Variants in CEP162 observed in about 807,000 individuals in gnomAD.
CEP162 encodes centrosomal protein of 162 kDa.
In CEP162, 141 loss-of-function variants were observed where a neutral mutation model predicts 169.2. That is an observed-to-expected ratio of 0.83 (90% CI 0.73 to 0.96). The LOEUF is 0.96. Ranked by LOEUF, CEP162 falls within the 40% of genes least tolerant of loss-of-function variation. The pLI is 0.00. For missense variants in CEP162, 1,600 were observed against 1,587.2 expected (o/e 1.01, Z -0.14); for synonymous variants, 540 against 526.4 (o/e 1.03, Z -0.35).
At chr6:84,157,246 T>C (rs1453710833) in intron 21 of CEP162, among the ~76,000 whole-genome samples, 2 of 152,216 alleles carry the variant, frequency 1.3e-5, no homozygotes, top group Non-Finnish European at 2.9e-5. Flanking sequence ...GTCTCCAGAT[T>C]GAATCGAATG....
intron 10 of CEP162, 97 bp from the exon 11 acceptor site, chr6:84,193,787 T>A: frequency 1.6e-6 from 1 of 645,080 alleles, no homozygotes. Context: ...TCTGACACAG[T>A]TAATAAAACG....
rs112434656 is a variant in CEP162 at position 84,177,621 on chromosome 6, C to T, written c.1664-2274G>A. On this transcript the variant is annotated intron_variant, in intron 13 of 26. Coordinates refer to ENST00000403245, the MANE Select transcript of CEP162 (RefSeq NM_014895.4). ...TGCGATCTCGGCTCACTGCAACCTC[C>T]GCCTCCCAGACTCAAGCAATTCTCC... Among the ~76,000 whole-genome samples the T allele has an allele frequency of 6.5e-3, 993 of 152,202 alleles. 7 individuals carry two copies. The highest frequency in any genetic ancestry group is 0.023 in the African/African-American group (942 of 41,514).
At chr6:84,212,773 CCT>C (rs2099550018) in intron 6 of CEP162, among the ~76,000 whole-genome samples, 182 bp downstream of exon 6, 1 of 152,042 alleles carries the variant, frequency 6.6e-6, no homozygotes, top group Admixed American at 6.5e-5. Context: ...ATGAAAAAAA[CCT>C]TTTTAAGGCA....
chr6:84,124,915 T>C lies in CEP162; in HGVS notation c.*155A>G, dbSNP rs779304211. The C allele has an allele frequency of 7.4e-5, 48 of 652,712 alleles. No individual in the cohort carries two copies. The highest frequency in any genetic ancestry group is 1.2e-4 in the Non-Finnish European group (45 of 379,116). 40.4% of individuals were successfully genotyped at this position (652,712 alleles called of 1,614,324 possible). A position where few individuals can be genotyped will look rare whatever the true frequency, so the allele number is the denominator to read the frequency against. On this transcript the variant is annotated 3_prime_UTR_variant, in exon 27 of 27. Coordinates refer to ENST00000403245, the MANE Select transcript of CEP162 (RefSeq NM_014895.4). Reference sequence around the variant, plus strand: ...ACACCATTATATGTTTTTTTTCTTATTGGTTAAAGGCAATTTATTTTGAAA... The same window carrying C: ...ACACCATTATATGTTTTTTTTCTTACTGGTTAAAGGCAATTTATTTTGAAA...
intron 15 of CEP162, 21 bp from the exon 16 acceptor site, chr6:84,174,209 TG>T: frequency 6.3e-7 from 1 of 1,586,262 alleles, no homozygotes; most frequent in Non-Finnish European, 8.6e-7. Context: ...TTGCAGAAAT[TG>T]TTTTATTTGG....
At chr6:84,141,510 G>A (rs1300351601) in intron 25 of CEP162, among the ~76,000 whole-genome samples, 2 of 152,072 alleles carry the variant, frequency 1.3e-5, no homozygotes, top group East Asian at 3.9e-4. Context: ...CTGGGTCCCT[G>A]ACTTAAACAT....
intron 21 of CEP162, among the ~76,000 whole-genome samples, chr6:84,157,407 C>T (rs1392673675): frequency 1.3e-5 from 2 of 152,176 alleles, no homozygotes; most frequent in East Asian, 1.9e-4. Flanking sequence ...TGCGATGGCT[C>T]ATGCCTGTAA....
intron 22 of CEP162, among the ~76,000 whole-genome samples, chr6:84,153,400 T>C (rs992365254): frequency 3.9e-5 from 6 of 152,188 alleles, no homozygotes; most frequent in Non-Finnish European, 5.9e-5. Flanking sequence ...TATTTAATAA[T>C]TGATATGTTG....
At chr6:84,211,639 A>G (rs912253521) in intron 6 of CEP162, among the ~76,000 whole-genome samples, 18 of 151,852 alleles carry the variant, frequency 1.2e-4, no homozygotes, top group Non-Finnish European at 1.5e-5. Flanking sequence ...TGAACAGTGA[A>G]GCACAGAAAG....
At chr6:84,221,979 C>G (rs2099553891) in intron 2 of CEP162, among the ~76,000 whole-genome samples, 1 of 151,856 alleles carries the variant, frequency 6.6e-6, no homozygotes, top group African/African-American at 2.4e-5. Flanking sequence ...ACCTGCTCAG[C>G]ACTGCATCTC....
At chr6:84,142,396 A>G (rs1228140226) in intron 25 of CEP162, among the ~76,000 whole-genome samples, 1 of 152,208 alleles carries the variant, frequency 6.6e-6, no homozygotes, top group Non-Finnish European at 1.5e-5. Flanking sequence ...GTTTATGTAC[A>G]TCTATGTGTA....
intron 4 of CEP162, 65 bp from the exon 5 acceptor site, chr6:84,215,530 T>C: frequency 1.5e-6 from 2 of 1,295,098 alleles, no homozygotes; most frequent in East Asian, 2.6e-5. Context: ...ATTTGAATGA[T>C]GCATTTATTG....
At chr6:84,168,411 GTTTCTA>G (rs1342680879) in intron 18 of CEP162, among the ~76,000 whole-genome samples, 1 of 152,040 alleles carries the variant, frequency 6.6e-6, no homozygotes, top group Non-Finnish European at 1.5e-5. Flanking sequence ...ACTATGGTAT[GTTTCTA>G]TTTCTTTGTA....
intron 3 of CEP162, among the ~76,000 whole-genome samples, chr6:84,219,718 A>T (rs1388367229): frequency 1.3e-5 from 2 of 152,210 alleles, no homozygotes; most frequent in Non-Finnish European, 2.9e-5. Context: ...GTAACTGTCA[A>T]ATCTACTTTA....
rs139691799 is a variant in CEP162 at position 84,126,883 on chromosome 6, A to G, written c.3871-371T>C. On this transcript the variant is annotated intron_variant, in intron 25 of 26. Transcript: ENST00000403245. ...GTACATTTAAAGCACTCAACATAGTACAGTGCCCCATGCACAGAAAGAGTT... is the reference window on the plus strand; with the variant it reads ...GTACATTTAAAGCACTCAACATAGTGCAGTGCCCCATGCACAGAAAGAGTT... Among the ~76,000 whole-genome samples, 390 of 152,312 alleles carry G rather than the reference A, an allele frequency of 2.6e-3. 2 individuals carry two copies. Among genetic ancestry groups the G allele is most frequent in the African/African-American group, 8.3e-3 (346 of 41,582 alleles).
chr6:84,198,694 T>C (rs539805829), intron 9 of CEP162, among the ~76,000 whole-genome samples: 1 of 152,252 alleles, frequency 6.6e-6, no homozygotes, highest in South Asian at 2.1e-4. Context: ...TAACAGAGGG[T>C]TGACATAAAT....
chr6:84,213,050 G>A (rs1171936626), intron 5 of CEP162, 26 bp from the exon 6 acceptor site: 1 of 1,370,258 alleles, frequency 7.3e-7, no homozygotes, highest in Non-Finnish European at 1.0e-6. Context: ...ATTTAATTTA[G>A]CATTACATGT....
In CEP162 at chr6:84,180,190, G is replaced by A. The variant is rs539544645; in HGVS notation, c.1664-4843C>T. Among the ~76,000 whole-genome samples the A allele has an allele frequency of 7.3e-4, 111 of 152,160 alleles. 1 individual carries two copies. The South Asian group carries it at 0.012, about 17-fold the overall frequency. On this transcript the variant is annotated intron_variant, in intron 13 of 26. Transcript: ENST00000403245. ...CCCTGGGATGCAAGGAGGGTTCAACGTACGCAAATCAATAAACGCAATCCA... is the reference window on the plus strand; with the variant it reads ...CCCTGGGATGCAAGGAGGGTTCAACATACGCAAATCAATAAACGCAATCCA...
chr6:84,169,313 C>T lies in CEP162; in HGVS notation c.2385+15G>A, dbSNP rs1026074705. On this transcript the variant is annotated intron_variant, in intron 18 of 26. Coordinates refer to ENST00000403245, the MANE Select transcript of CEP162 (RefSeq NM_014895.4). ...CTTTATTATCCCTAATAGTCAAAAT[C>T]GTTATGCAACTTACCTGTGCCATCC... The T allele has an allele frequency of 7.7e-6, 11 of 1,421,682 alleles. No individual in the cohort carries two copies. Among genetic ancestry groups the T allele is most frequent in the East Asian group, 4.9e-5 (2 of 41,224 alleles). The allele number at this position is 1,421,682 out of a possible 1,614,324, so 88.1% of individuals were successfully genotyped here.
Sources: gnomAD v4.1 joint callset for allele counts (sites outside exome capture counted in the v4.1 genomes callset) on GRCh38, gnomAD v4.1.1 for gene constraint, MANE v1.5 for transcripts, NCBI Gene and HGNC (gene_info 2026-07-23, HGNC 2026-07-21) for gene names.